Variants in SLC13A3 observed in about 807,000 individuals in gnomAD.
SLC13A3 encodes solute carrier family 13 member 3, also known as Na(+)/dicarboxylate cotransporter 3.
A neutral mutation model predicts 59.0 loss-of-function variants in SLC13A3; 40 were observed. That is an observed-to-expected ratio of 0.68 (90% CI 0.53 to 0.88). The LOEUF (loss-of-function observed/expected upper bound fraction) is 0.88. Ranked by LOEUF, SLC13A3 falls within the 40% of genes least tolerant of loss-of-function variation. The pLI is 0.00. For synonymous variants in SLC13A3, 317 were observed against 330.3 expected (o/e 0.96, Z 0.44); for missense variants, 699 against 783.2 (o/e 0.89, Z 1.28).
At chr20:46,636,140 G>A (rs931445314) in intron 1 of SLC13A3, among the ~76,000 whole-genome samples, 5 of 152,148 alleles carry the variant, frequency 3.3e-5, no homozygotes, top group Non-Finnish European at 4.4e-5. Flanking sequence ...CCATTCTTTT[G>A]TTTTTTCACT....
rs182130582 is a variant in SLC13A3 at position 46,609,250 on chromosome 20, C to T, written c.541+1196G>A. On this transcript the variant is annotated intron_variant, in intron 3 of 12. Coordinates refer to ENST00000279027, the MANE Select transcript of SLC13A3 (RefSeq NM_022829.6). ...CAGAGTTGCCAATGAAAAATCATGACGTCATTGTGCCTCTGAATTGATCCT... is the reference window on the plus strand; with the variant it reads ...CAGAGTTGCCAATGAAAAATCATGATGTCATTGTGCCTCTGAATTGATCCT... Among the ~76,000 whole-genome samples, 12 of 152,304 alleles carry T rather than the reference C, an allele frequency of 7.9e-5. No individual in the cohort carries two copies. In the East Asian group the frequency reaches 2.3e-3, roughly 29 times the overall value.
At chr20:46,596,928 C>T (rs1360758531) in intron 4 of SLC13A3, among the ~76,000 whole-genome samples, 1 of 152,040 alleles carries the variant, frequency 6.6e-6, no homozygotes, top group Admixed American at 6.6e-5. Flanking sequence ...TGGCACGCAC[C>T]TATAGTCCCA....
chr20:46,641,442 C>T (rs1357262695), intron 1 of SLC13A3, among the ~76,000 whole-genome samples: 2 of 152,098 alleles, frequency 1.3e-5, no homozygotes, highest in Non-Finnish European at 2.9e-5. Flanking sequence ...GGATGAATGC[C>T]ATGAAGGAAT....
intron 1 of SLC13A3, among the ~76,000 whole-genome samples, chr20:46,616,302 G>GA (rs577640258): frequency 3.4e-4 from 52 of 152,140 alleles, no homozygotes; most frequent in Non-Finnish European, 6.3e-4. Context: ...GTAAAAATCA[G>GA]AAAAAAAGGC....
intron 3 of SLC13A3, among the ~76,000 whole-genome samples, chr20:46,605,654 TG>T (rs1354763008): frequency 6.6e-6 from 1 of 152,142 alleles, no homozygotes; most frequent in East Asian, 1.9e-4. Flanking sequence ...GAGGACCCAA[TG>T]GGTCAGTGGC....
intron 1 of SLC13A3, among the ~76,000 whole-genome samples, chr20:46,648,065 G>T (rs1471468973): frequency 6.6e-6 from 1 of 152,198 alleles, no homozygotes; most frequent in Admixed American, 6.5e-5. Context: ...CAGCAAGCAT[G>T]TTTTGAAGTT....
intron 9 of SLC13A3, among the ~76,000 whole-genome samples, chr20:46,577,069 C>CTTATGAAGCCCACAGGT: frequency 3.8e-5 from 1 of 25,980 alleles, no homozygotes; most frequent in African/African-American, 1.2e-4. Flanking sequence ...AGTCTACAGA[C>CTTATGAAGCCCACAGGT]GTATGAAGCC....
intron 7 of SLC13A3, among the ~76,000 whole-genome samples, 175 bp downstream of exon 7, chr20:46,588,985 C>T (rs542558255): frequency 5.9e-5 from 9 of 152,168 alleles, no homozygotes; most frequent in South Asian, 2.1e-4. Context: ...CCCAGCACCA[C>T]GGCAAGAGGT....
chr20:46,669,418 T>G (rs929647807), intron 1 of SLC13A3, among the ~76,000 whole-genome samples: 1 of 152,246 alleles, frequency 6.6e-6, no homozygotes, highest in South Asian at 2.1e-4. Context: ...TTTCTCATTT[T>G]ATTTTTACAA....
intron 1 of SLC13A3, among the ~76,000 whole-genome samples, chr20:46,659,616 G>A (rs2063015061): frequency 1.3e-5 from 2 of 151,784 alleles, no homozygotes; most frequent in African/African-American, 4.8e-5. Flanking sequence ...CGGGGAGGCT[G>A]AGGTGGGAGG....
At chr20:46,676,323 G>GA (rs1356456247) in intron 1 of SLC13A3, among the ~76,000 whole-genome samples, 5 of 150,332 alleles carry the variant, frequency 3.3e-5, no homozygotes, top group African/African-American at 1.2e-4. Flanking sequence ...TCAAGCTCAA[G>GA]AAATAGAACT....
chr20:46,566,395 G>A lies in SLC13A3; in HGVS notation c.1333-5C>T, dbSNP rs552215071. 2.0e-5 allele frequency: 32 copies of A among 1,611,228 alleles called. 1 individual carries two copies. The highest frequency in any genetic ancestry group is 8.8e-5 in the South Asian group (8 of 90,804). ...CCATACAGACAGCCCCGATTCCTGCGGAGGGAAAGGCATTCCTTCATACCC... is the reference window on the plus strand; with the variant it reads ...CCATACAGACAGCCCCGATTCCTGCAGAGGGAAAGGCATTCCTTCATACCC... On this transcript the variant is annotated splice_region_variant and splice_polypyrimidine_tract_variant and intron_variant, in intron 10 of 12. Transcript: ENST00000279027.
intron 1 of SLC13A3, among the ~76,000 whole-genome samples, chr20:46,663,934 G>T (rs1195885836): frequency 6.6e-6 from 1 of 152,180 alleles, no homozygotes; most frequent in East Asian, 1.9e-4. Context: ...ATCCCTGAAA[G>T]TAGTAATATT....
upstream of SLC13A3, among the ~76,000 whole-genome samples, chr20:46,652,794 T>C (rs1481472010): frequency 1.3e-5 from 2 of 152,172 alleles, no homozygotes; most frequent in Non-Finnish European, 2.9e-5. Context: ...TTGCCCAGTA[T>C]TTGCAATGCT....
intron 9 of SLC13A3, among the ~76,000 whole-genome samples, chr20:46,580,091 G>C (rs2062120510): frequency 1.3e-5 from 2 of 152,202 alleles, no homozygotes; most frequent in Admixed American, 1.3e-4. Flanking sequence ...AAGTAGCTGG[G>C]GTTACAGGTA....
chr20:46,627,596 G>T (rs1303369716), intron 1 of SLC13A3, among the ~76,000 whole-genome samples: 2 of 151,260 alleles, frequency 1.3e-5, no homozygotes, highest in Admixed American at 6.6e-5. Context: ...TAAAAGATTT[G>T]CTCATTAAAA....
At chr20:46,578,004 T>G (rs1252374980) in intron 9 of SLC13A3, among the ~76,000 whole-genome samples, 1 of 152,192 alleles carries the variant, frequency 6.6e-6, no homozygotes, top group African/African-American at 2.4e-5. Context: ...TTATTTTTAT[T>G]TATTTATTTT....
intron 10 of SLC13A3, among the ~76,000 whole-genome samples, chr20:46,572,153 G>A (rs1156620299): frequency 5.9e-5 from 9 of 152,132 alleles, no homozygotes; most frequent in African/African-American, 2.2e-4. Flanking sequence ...CCTTCAGAAT[G>A]AGCGCTGGGA....
At chr20:46,575,834 G>A in intron 9 of SLC13A3, 149 bp from the exon 10 acceptor site, 1 of 499,350 alleles carries the variant, frequency 2.0e-6, no homozygotes, top group Non-Finnish European at 3.6e-6. Context: ...GCTTTAGGGA[G>A]AGAGTGCACA....
Sources: gnomAD v4.1 joint callset for allele counts (sites outside exome capture counted in the v4.1 genomes callset) on GRCh38, gnomAD v4.1.1 for gene constraint, MANE v1.5 for transcripts, NCBI Gene and HGNC (gene_info 2026-07-23, HGNC 2026-07-21) for gene names.